DAW1: variants seen among roughly 807,000 people sequenced by gnomAD.
DAW1 encodes the protein dynein assembly factor with WD repeat domains 1.
A neutral mutation model predicts 56.5 loss-of-function variants in DAW1; 47 were observed. The observed-to-expected ratio is 0.83, with a 90% CI of 0.66 to 1.06. DAW1 has a LOEUF of 1.06. Ranked by LOEUF, DAW1 falls within the 50% of genes least tolerant of loss-of-function variation. DAW1 has a pLI of 0.00. For synonymous variants in DAW1, 190 were observed against 179.0 expected (o/e 1.06, Z -0.49); for missense variants, 505 against 499.3 (o/e 1.01, Z -0.11).
At chr2:227,911,998 A>G (rs1691837524) in intron 10 of DAW1, among the ~76,000 whole-genome samples, 1 of 152,058 alleles carries the variant, frequency 6.6e-6, no homozygotes, top group African/African-American at 2.4e-5. Context: ...ATGACCATAT[A>G]TCCTGCTTCA....
At chr2:227,909,851 T>C (rs1001682806) in intron 10 of DAW1, among the ~76,000 whole-genome samples, 5 of 152,168 alleles carry the variant, frequency 3.3e-5, no homozygotes, top group Non-Finnish European at 5.9e-5. Flanking sequence ...GTGGCTCTTA[T>C]TTACTCAGTC....
chr2:227,879,831 C>T (rs1291575853), intron 1 of DAW1, among the ~76,000 whole-genome samples: 1 of 152,002 alleles, frequency 6.6e-6, no homozygotes, highest in Non-Finnish European at 1.5e-5. Context: ...TTGAACAATA[C>T]ATTCTTTCTC....
At chr2:227,905,649 C>T (rs561371571) in intron 8 of DAW1, among the ~76,000 whole-genome samples, 2 of 152,326 alleles carry the variant, frequency 1.3e-5, no homozygotes, top group Non-Finnish European at 1.5e-5. Context: ...CTACTTCTTA[C>T]GGCCTTTACT....
chr2:227,899,648 A>G (rs146660237), intron 6 of DAW1, among the ~76,000 whole-genome samples: 2 of 152,366 alleles, frequency 1.3e-5, no homozygotes, highest in East Asian at 1.9e-4. Context: ...TTCACTGGAA[A>G]AAAAGATACC....
chr2:227,915,894 A>G (rs1366261088), intron 10 of DAW1, among the ~76,000 whole-genome samples: 3 of 152,076 alleles, frequency 2.0e-5, no homozygotes, highest in African/African-American at 7.2e-5. Flanking sequence ...ATTCCTTATG[A>G]TATTATGCCG....
In DAW1 at chr2:227,898,145, C is replaced by A; in HGVS notation, c.441-37C>A. On this transcript the variant is annotated intron_variant, in intron 5 of 12. Transcript: ENST00000309931. The stretch of plus-strand genomic sequence containing the variant: ...TAGTTCAGTTTATTATATAATGTGT[C>A]TTTTTTTAAATAATCTACATTTCTT... 2.8e-6 allele frequency: 4 copies of A among 1,422,812 alleles called. No individual in the cohort carries two copies. The South Asian group carries it at 4.5e-5, about 16-fold the overall frequency. 88.1% of individuals were successfully genotyped at this position (1,422,812 alleles called of 1,614,324 possible).
chr2:227,921,245 A>G (rs1438937345), intron 11 of DAW1, among the ~76,000 whole-genome samples, 154 bp from the exon 12 acceptor site: 1 of 149,830 alleles, frequency 6.7e-6, no homozygotes, highest in Non-Finnish European at 1.5e-5. Flanking sequence ...TCCATTATGA[A>G]GAAATTGTTC....
In DAW1 at chr2:227,907,171, A is replaced by C. The variant is rs1278151323; in HGVS notation, c.892A>C (p.Thr298Pro). 1 of 1,613,200 alleles carries C rather than the reference A, an allele frequency of 6.2e-7. No individual in the cohort carries two copies. Among genetic ancestry groups the C allele is most frequent in the Admixed American group, 1.7e-5 (1 of 59,908 alleles). Residue 298 changes from threonine to proline, a missense_variant, in exon 10 of 13, where the codon ACC (threonine) becomes CCC (proline). Thr to Pro is a conservative substitution (Grantham distance 38). Transcript: ENST00000309931. ...WDATNGKCVA[T>P]LTGHDDEILD... is the part of the protein sequence containing the mutation. The stretch of plus-strand genomic sequence containing the variant: ...TGCTACAAATGGAAAATGTGTGGCA[A>C]CCTTAACAGGCCATGATGATGAAAT...
At chr2:227,882,414 C>T (rs1691032097) in intron 1 of DAW1, among the ~76,000 whole-genome samples, 1 of 152,184 alleles carries the variant, frequency 6.6e-6, no homozygotes, top group Non-Finnish European at 1.5e-5. Context: ...TTATTCTTCA[C>T]TGACACACAC....
At chr2:227,921,583 T>G in intron 12 of DAW1, 22 bp downstream of exon 12, 1 of 1,590,722 alleles carries the variant, frequency 6.3e-7, no homozygotes, top group South Asian at 1.1e-5. Flanking sequence ...ATCAACACCA[T>G]AGACTCATTT....
At chr2:227,885,903 G>A (rs1691118475) in intron 2 of DAW1, among the ~76,000 whole-genome samples, 1 of 151,612 alleles carries the variant, frequency 6.6e-6, no homozygotes, top group Non-Finnish European at 1.5e-5. Context: ...GTGTCCTTAA[G>A]CTTCCTTAAG....
chr2:227,913,611 A>T (rs1483117195), intron 10 of DAW1, among the ~76,000 whole-genome samples: 1 of 152,104 alleles, frequency 6.6e-6, no homozygotes, highest in Non-Finnish European at 1.5e-5. Context: ...GCCATTTTAA[A>T]ATTCCCATAT....
At chr2:227,896,616 G>GTGTGTGTT (rs1343180007) in intron 5 of DAW1, among the ~76,000 whole-genome samples, 1 of 151,826 alleles carries the variant, frequency 6.6e-6, no homozygotes, top group African/African-American at 2.4e-5. Flanking sequence ...GTGTGTGTGT[G>GTGTGTGTT]TGTGTGTGTG....
intron 5 of DAW1, 71 bp from the exon 6 acceptor site, chr2:227,898,111 A>C: frequency 1.1e-6 from 1 of 942,134 alleles, no homozygotes; most frequent in Non-Finnish European, 1.5e-6. Context: ...ATGTATTAAT[A>C]TCTCATCTTA....
intron 2 of DAW1, among the ~76,000 whole-genome samples, chr2:227,888,818 T>C (rs1018792919): frequency 2.0e-5 from 3 of 152,226 alleles, no homozygotes; most frequent in Non-Finnish European, 2.9e-5. Context: ...GCCAGCAACA[T>C]TTTTCAGAAT....
rs746705539 is a variant in DAW1 at position 227,921,579 on chromosome 2, A to T, written c.1213+18A>T. 10 of 1,593,288 alleles carry T rather than the reference A, an allele frequency of 6.3e-6. No individual in the cohort carries two copies. The Admixed American group carries it at 1.7e-4, about 27-fold the overall frequency. On this transcript the variant is annotated intron_variant, in intron 12 of 12. Coordinates refer to ENST00000309931, the MANE Select transcript of DAW1 (RefSeq NM_178821.3). ...CATTACAGGTATGGAAGACATCAAC[A>T]CCATAGACTCATTTTTTCTTGATTG...
At chr2:227,894,794 A>G (rs746569761) in intron 5 of DAW1, among the ~76,000 whole-genome samples, 7 of 152,212 alleles carry the variant, frequency 4.6e-5, no homozygotes, top group Non-Finnish European at 1.5e-5. Context: ...CACCCTGAAC[A>G]TCTATAGCAG....
rs1223580797 is a variant in DAW1 at position 227,893,687 on chromosome 2, C to CAAAT, written c.318-105_318-104insTAAA. On this transcript the variant is annotated intron_variant, in intron 4 of 12. Transcript: ENST00000309931. ...ACTCCCTCTTAAACAAACAAACAAACAAACAAACAGCATAATAAATAGAGT... is the reference window on the plus strand; with the variant it reads ...ACTCCCTCTTAAACAAACAAACAAACAAATAAACAAACAGCATAATAAATAGAGT... The CAAAT allele has an allele frequency of 3.2e-5, 47 of 1,471,998 alleles. 1 individual carries two copies. Among genetic ancestry groups the CAAAT allele is most frequent in the Non-Finnish European group, 4.0e-5 (45 of 1,111,436 alleles). 91.2% of individuals were successfully genotyped at this position (1,471,998 alleles called of 1,614,324 possible).
intron 5 of DAW1, among the ~76,000 whole-genome samples, 200 bp downstream of exon 5, chr2:227,894,117 T>TA (rs1691350629): frequency 6.6e-6 from 1 of 152,076 alleles, no homozygotes; most frequent in Non-Finnish European, 1.5e-5. Context: ...ATACAAGGTT[T>TA]AAGGCTGGGC....
Sources: allele counts gnomAD v4.1 joint callset (sites outside exome capture counted in the v4.1 genomes callset), GRCh38; gene constraint gnomAD v4.1.1; transcripts MANE v1.5; gene names NCBI Gene and HGNC (gene_info 2026-07-23, HGNC 2026-07-21).